Variants in KCNH7 observed in about 807,000 individuals in gnomAD.
The protein encoded by KCNH7 is voltage-gated inwardly rectifying potassium channel KCNH7.
KCNH7 carries 49 observed loss-of-function variants against 120.8 expected under a neutral mutation model. The observed-to-expected ratio is 0.41, with a 90% confidence interval of 0.32 to 0.51. The LOEUF (loss-of-function observed/expected upper bound fraction) is 0.51, where lower values mean the gene tolerates loss of function less well. KCNH7 is among the 20% of genes least tolerant of loss of function. KCNH7 has a pLI of 0.38. For missense variants in KCNH7, 1,097 were observed against 1,446.6 expected (o/e 0.76, Z 3.92); for synonymous variants, 547 against 516.1 (o/e 1.06, Z -0.81).
chr2:162,705,818 G>A (rs11893637), intron 2 of KCNH7, among the ~76,000 whole-genome samples: 46,622 of 151,842 alleles, frequency 0.31, 11,277 homozygotes, highest in African/African-American at 0.66. Flanking sequence ...TCATCAATGA[G>A]TTTTGGGAAC....
chr2:162,439,885 A>G lies in KCNH7; in HGVS notation c.1555-4288T>C, dbSNP rs113164755. 2.9e-3 allele frequency among the ~76,000 whole-genome samples: 439 copies of G among 151,818 alleles called. 2 individuals carry two copies. The highest frequency in any genetic ancestry group is 0.01 in the African/African-American group (422 of 41,500). ...AGTTTTGTATGTATGTTAGATACTAAGTCCAGACTCAAGAAGACTGTGTGG... is the reference window on the plus strand; with the variant it reads ...AGTTTTGTATGTATGTTAGATACTAGGTCCAGACTCAAGAAGACTGTGTGG... On this transcript the variant is annotated intron_variant, in intron 7 of 15. Coordinates refer to ENST00000332142, the MANE Select transcript of KCNH7 (RefSeq NM_033272.4).
intron 2 of KCNH7, among the ~76,000 whole-genome samples, chr2:162,620,913 G>C (rs960019260): frequency 6.6e-6 from 1 of 152,100 alleles, no homozygotes. Flanking sequence ...GGACACATTT[G>C]AGAAACAGGA....
intron 6 of KCNH7, among the ~76,000 whole-genome samples, chr2:162,496,645 T>G (rs1180413711): frequency 6.6e-6 from 1 of 152,172 alleles, no homozygotes; most frequent in Non-Finnish European, 1.5e-5. Context: ...AACCCAGACC[T>G]AGCTGAGCTA....
intron 6 of KCNH7, among the ~76,000 whole-genome samples, chr2:162,469,309 C>T (rs1689415391): frequency 6.6e-6 from 1 of 152,166 alleles, no homozygotes; most frequent in Non-Finnish European, 1.5e-5. Context: ...CTTCAGTAAA[C>T]ACCAATTGAA....
At chr2:162,704,543 C>G (rs1686628124) in intron 2 of KCNH7, among the ~76,000 whole-genome samples, 1 of 152,098 alleles carries the variant, frequency 6.6e-6, no homozygotes, top group African/African-American at 2.4e-5. Context: ...AAACTTTTGT[C>G]TTTTTGAAGA....
intron 2 of KCNH7, among the ~76,000 whole-genome samples, chr2:162,583,525 C>T (rs1460331858): frequency 6.6e-6 from 1 of 151,972 alleles, no homozygotes; most frequent in African/African-American, 2.4e-5. Context: ...TTAAATACGA[C>T]TAATACATCT....
At chr2:162,764,603 T>C (rs1242138275) in intron 2 of KCNH7, among the ~76,000 whole-genome samples, 1 of 152,078 alleles carries the variant, frequency 6.6e-6, no homozygotes, top group Non-Finnish European at 1.5e-5. Flanking sequence ...AATCACTCTC[T>C]TTACAGATTA....
At chr2:162,427,317 T>A (rs1687898378) in intron 8 of KCNH7, among the ~76,000 whole-genome samples, 1 of 152,154 alleles carries the variant, frequency 6.6e-6, no homozygotes. Context: ...TGTATCATTT[T>A]ACATTCTCCC....
intron 6 of KCNH7, among the ~76,000 whole-genome samples, chr2:162,454,080 A>T (rs1048056934): frequency 6.6e-6 from 1 of 152,126 alleles, no homozygotes; most frequent in Admixed American, 6.6e-5. Context: ...GAGTTTTTAC[A>T]GTGTTGGTTT....
At chr2:162,373,765 T>C (rs1200120919) in intron 14 of KCNH7, 103 bp from the exon 15 acceptor site, 2 of 669,634 alleles carry the variant, frequency 3.0e-6, no homozygotes, top group Non-Finnish European at 4.5e-6. Flanking sequence ...ATTATGGCCT[T>C]GCTTTAAACA....
At chr2:162,769,560 A>G (rs561800031) in intron 2 of KCNH7, among the ~76,000 whole-genome samples, 41 of 152,228 alleles carry the variant, frequency 2.7e-4, no homozygotes, top group African/African-American at 7.9e-4. Context: ...GCCATCTCCA[A>G]GGAAAAGGTA....
At chr2:162,824,830 C>T (rs1234477233) in intron 2 of KCNH7, among the ~76,000 whole-genome samples, 2 of 151,616 alleles carry the variant, frequency 1.3e-5, no homozygotes, top group African/African-American at 4.9e-5. Context: ...CAGTTTGCAT[C>T]TCAGCAAAAC....
chr2:162,453,264 T>C (rs568456074), intron 6 of KCNH7, among the ~76,000 whole-genome samples: 1 of 152,190 alleles, frequency 6.6e-6, no homozygotes, highest in African/African-American at 2.4e-5. Flanking sequence ...GCTTCCAGCA[T>C]TGTCCATGTC....
At chr2:162,585,899 C>T (rs1399805997) in intron 2 of KCNH7, among the ~76,000 whole-genome samples, 1 of 151,886 alleles carries the variant, frequency 6.6e-6, no homozygotes, top group East Asian at 1.9e-4. Context: ...TGTGTGAACT[C>T]ATAAAGCCAC....
At chr2:162,654,360 A>G (rs1002104973) in intron 2 of KCNH7, among the ~76,000 whole-genome samples, 10 of 152,108 alleles carry the variant, frequency 6.6e-5, no homozygotes, top group African/African-American at 9.7e-5. Flanking sequence ...ATTACTCAAA[A>G]AAAAACATAG....
chr2:162,674,839 A>G (rs559168782), intron 2 of KCNH7, among the ~76,000 whole-genome samples: 4 of 151,796 alleles, frequency 2.6e-5, no homozygotes, highest in South Asian at 4.1e-4. Flanking sequence ...CATGAAAGGC[A>G]AACTGTAAAA....
chr2:162,572,077 A>C (rs1693499552), intron 2 of KCNH7, among the ~76,000 whole-genome samples: 1 of 152,084 alleles, frequency 6.6e-6, no homozygotes. Flanking sequence ...GCTTCTGCAC[A>C]GCAAAAGAAA....
At chr2:162,657,349 A>T (rs1684800378) in intron 2 of KCNH7, among the ~76,000 whole-genome samples, 1 of 151,988 alleles carries the variant, frequency 6.6e-6, no homozygotes, top group Non-Finnish European at 1.5e-5. Flanking sequence ...GCAACCACCG[A>T]TTGTTTGACT....
intron 5 of KCNH7, among the ~76,000 whole-genome samples, chr2:162,506,182 C>T (rs1690875569): frequency 6.6e-6 from 1 of 151,892 alleles, no homozygotes; most frequent in African/African-American, 2.4e-5. Context: ...TTTATTGCCT[C>T]ATATGTTCTC....
Sources: allele counts gnomAD v4.1 joint callset (sites outside exome capture counted in the v4.1 genomes callset), GRCh38; gene constraint gnomAD v4.1.1; transcripts MANE v1.5; gene names NCBI Gene and HGNC (gene_info 2026-07-23, HGNC 2026-07-21).